C6orf141: variants seen among roughly 807,000 people sequenced by gnomAD.
C6orf141 encodes chromosome 6 open reading frame 141.
For missense variants in C6orf141, 361 were observed against 335.8 expected (o/e 1.07, Z -0.59); for synonymous variants, 164 against 140.5 (o/e 1.17, Z -1.18).
At chr6:49,559,250 G>C (rs1473516089) in intron 4 of C6orf141, among the ~76,000 whole-genome samples, 1 of 109,788 alleles carries the variant, frequency 9.1e-6, no homozygotes, top group East Asian at 2.9e-4. Context: ...TTTCATTTAT[G>C]TTAGACCAAT....
At chr6:49,559,174 A>C in intron 4 of C6orf141, among the ~76,000 whole-genome samples, 1 of 50 alleles carries the variant, frequency 0.02, no homozygotes, top group South Asian at 0.25. Context: ...CCATATATAT[A>C]TATATATATA....
At chr6:49,558,035 G>C (rs1319309693) in intron 4 of C6orf141, among the ~76,000 whole-genome samples, 2 of 147,588 alleles carry the variant, frequency 1.4e-5, no homozygotes, top group Non-Finnish European at 3.0e-5. Flanking sequence ...GAGACTACAA[G>C]TGCATGCCGT....
At position 49,551,601 on chromosome 6, in the gene C6orf141, C is replaced by T; in HGVS notation, c.*74C>T. The T allele has an allele frequency of 6.6e-7, 1 of 1,521,176 alleles. No homozygotes were observed. Among genetic ancestry groups the T allele is most frequent in the Non-Finnish European group, 8.8e-7 (1 of 1,137,806 alleles). The allele number at this position is 1,521,176 out of a possible 1,614,324, so 94.2% of individuals were successfully genotyped here. ...AAAAGAAAATGCTATTCTGGGAGCTCCAACCTGCAATTAACCTACAGAAGG... is the reference window on the plus strand; with the variant it reads ...AAAAGAAAATGCTATTCTGGGAGCTTCAACCTGCAATTAACCTACAGAAGG... On this transcript the variant is annotated 3_prime_UTR_variant, in exon 1 of 1. Transcript: ENST00000529246.
rs781309969 is a variant in C6orf141, at chr6:49,551,879, A to G, written c.*352A>G. 7 of 1,133,070 alleles carry G rather than the reference A, an allele frequency of 6.2e-6. No individual in the cohort carries two copies. The highest frequency in any genetic ancestry group is 9.7e-5 in the Admixed American group (2 of 20,524). 70.2% of individuals were successfully genotyped at this position (1,133,070 alleles called of 1,614,324 possible). On this transcript the variant is annotated 3_prime_UTR_variant, in exon 1 of 1. Coordinates refer to ENST00000529246, the MANE Select transcript of C6orf141 (RefSeq NM_001145652.2). The stretch of plus-strand genomic sequence containing the variant: ...CCCCGCCCCCCTCTTGTTTCTCTTT[A>G]GGACCTAGAAACAGAAGTGAAGTTT...
chr6:49,551,258 A>C lies in C6orf141; in HGVS notation c.466A>C (p.Lys156Gln), dbSNP rs1253770703. 3.9e-6 allele frequency: 6 copies of C among 1,551,658 alleles called. No individual in the cohort carries two copies. The highest frequency in any genetic ancestry group is 3.6e-5 in the South Asian group (3 of 84,058). ...APPRDAADPP[K>Q]YVLVRVEDYQ... ...GCCGCGGGACGCAGCAGACCCACCC[A>C]AATACGTGCTTGTGCGGGTGGAGGA... Residue 156 changes from lysine (K) to glutamine (Q), a missense_variant, in exon 1 of 1, where the codon AAA (lysine) becomes CAA (glutamine). Lys to Gln is a moderately conservative substitution (Grantham distance 53). Coordinates refer to ENST00000529246, the MANE Select transcript of C6orf141 (RefSeq NM_001145652.2).
In C6orf141 at chr6:49,552,064, TAGAA is replaced by T. The variant is rs1427990187; in HGVS notation, c.*543_*546del. 10 of 529,138 alleles carry T rather than the reference TAGAA, an allele frequency of 1.9e-5. No homozygotes were observed. Among genetic ancestry groups the T allele is most frequent in the Non-Finnish European group, 2.5e-5 (10 of 400,082 alleles). 32.8% of individuals were successfully genotyped at this position (529,138 alleles called of 1,614,324 possible). ...ATTTTTCTCCCCCACATTTCAGTGT[TAGAA>T]AGAAAACGAGAGGAGCTAGGGAAAG... On this transcript the variant is annotated 3_prime_UTR_variant, in exon 1 of 1. Coordinates refer to ENST00000529246, the MANE Select transcript of C6orf141 (RefSeq NM_001145652.2).
downstream of C6orf141, among the ~76,000 whole-genome samples, chr6:49,554,016 TGAAA>T (rs1771237590): frequency 6.6e-6 from 1 of 152,222 alleles, no homozygotes; most frequent in Non-Finnish European, 1.5e-5. Flanking sequence ...TCTCTACTCC[TGAAA>T]GAAAGGACTT....
rs998198254 is a variant in C6orf141 at position 49,551,374 on chromosome 6, T to C, written c.582T>C (p.Thr194=). ...RTEEHFVTAL[T]FRSSREGQPG... Reference sequence around the variant, plus strand: ...AGGAGCACTTCGTGACCGCGCTCACTTTTCGCAGCAGTAGAGAGGGACAGC... The same window carrying C: ...AGGAGCACTTCGTGACCGCGCTCACCTTTCGCAGCAGTAGAGAGGGACAGC... The change falls in exon 1 of 1, where the codon ACT becomes ACC. Residue 194 remains threonine, a synonymous_variant. Coordinates refer to ENST00000529246, the MANE Select transcript of C6orf141 (RefSeq NM_001145652.2). 1.9e-6 allele frequency: 3 copies of C among 1,551,636 alleles called. No homozygotes were observed. The highest frequency in any genetic ancestry group is 1.7e-6 in the Non-Finnish European group (2 of 1,146,976).
At position 49,551,264 on chromosome 6, in the gene C6orf141, G is replaced by A. The variant is rs1369763899; in HGVS notation, c.472G>A (p.Val158Met). The change falls in exon 1 of 1, where the codon GTG becomes ATG. Residue 158 changes from valine (V) to methionine (M), a missense_variant. By Grantham distance (21) the Val-to-Met change is conservative. Transcript: ENST00000529246. ...GGACGCAGCAGACCCACCCAAATAC[G>A]TGCTTGTGCGGGTGGAGGATTATCA... ...PRDAADPPKY[V>M]LVRVEDYQVT... 6.4e-7 allele frequency: 1 copy of A among 1,551,702 alleles called. No homozygotes were observed. The highest frequency in any genetic ancestry group is 1.4e-5 in the African/African-American group (1 of 73,174).
rs1271088455 is a variant in C6orf141, at chr6:49,551,953, G to C, written c.*426G>C. On this transcript the variant is annotated 3_prime_UTR_variant, in exon 1 of 1. Transcript: ENST00000529246. ...GTGGGAGTGGGTGGAGAAGAGGCTT[G>C]TTTTAAAAGCCAAAAACAGAAAGTA... The C allele has an allele frequency of 4.0e-6, 4 of 1,012,072 alleles. No homozygotes were observed. The African/African-American group carries it at 5.2e-5, about 13-fold the overall frequency. 62.7% of individuals were successfully genotyped at this position (1,012,072 alleles called of 1,614,324 possible).
chr6:49,551,671 GAACTGTAAGCA>G lies in C6orf141; in HGVS notation c.*145_*155del. On this transcript the variant is annotated 3_prime_UTR_variant, in exon 1 of 1. Coordinates refer to ENST00000529246, the MANE Select transcript of C6orf141 (RefSeq NM_001145652.2). ...GCAGCGCTTCGGGGAGGCAGATTAA[GAACTGTAAGCA>G]GCATAATACCTCCTTTGTGGCTTGA... 2.0e-6 allele frequency: 3 copies of G among 1,465,406 alleles called. No individual in the cohort carries two copies. Among genetic ancestry groups the G allele is most frequent in the Non-Finnish European group, 2.7e-6 (3 of 1,111,564 alleles). The allele number at this position is 1,465,406 out of a possible 1,614,324, so 90.8% of individuals were successfully genotyped here. A position where few individuals can be genotyped will look rare whatever the true frequency, so the allele number is the denominator to read the frequency against.
chr6:49,553,880 C>T (rs144112824), downstream of C6orf141, among the ~76,000 whole-genome samples: 19 of 152,058 alleles, frequency 1.2e-4, no homozygotes, highest in East Asian at 7.7e-4. Context: ...ATTATTAGCA[C>T]GGTTATTGTT....
downstream of C6orf141, among the ~76,000 whole-genome samples, chr6:49,553,577 A>G (rs1771130546): frequency 6.6e-6 from 1 of 152,224 alleles, no homozygotes; most frequent in Non-Finnish European, 1.5e-5. Context: ...GAACAAAAAA[A>G]GTCTCTTTCA....
At chr6:49,558,742 C>G (rs1772599230) in intron 4 of C6orf141, among the ~76,000 whole-genome samples, 1 of 151,748 alleles carries the variant, frequency 6.6e-6, no homozygotes, top group Non-Finnish European at 1.5e-5. Flanking sequence ...GAGTCTTGCT[C>G]TGTTGCCCAG....
Position 49,551,529 on chromosome 6 carries a change from G to A in C6orf141, c.*2G>A, listed in dbSNP as rs1001163816. ...TGGCTCGAGGAAATTAAACTCTAAT[G>A]AGTAGCTCGAGAAATGTTCCGGGAT... On this transcript the variant is annotated 3_prime_UTR_variant, in exon 1 of 1. Transcript: ENST00000529246. The A allele has an allele frequency of 6.5e-7, 1 of 1,549,446 alleles. No homozygotes were observed. The highest frequency in any genetic ancestry group is 1.4e-5 in the African/African-American group (1 of 72,894).
At chr6:49,559,887 G>A (rs1017258776) in intron 4 of C6orf141, among the ~76,000 whole-genome samples, 2 of 152,202 alleles carry the variant, frequency 1.3e-5, no homozygotes, top group African/African-American at 2.4e-5. Context: ...AAAGCCCTAA[G>A]CCAACCTATG....
In C6orf141 at chr6:49,551,926, G is replaced by C; in HGVS notation, c.*399G>C. Reference sequence around the variant, plus strand: ...GTTTGAAGTCTGCTCTCTGCAAAGAGGGTGGGAGTGGGTGGAGAAGAGGCT... The same window carrying C: ...GTTTGAAGTCTGCTCTCTGCAAAGACGGTGGGAGTGGGTGGAGAAGAGGCT... On this transcript the variant is annotated 3_prime_UTR_variant, in exon 1 of 1. Coordinates refer to ENST00000529246, the MANE Select transcript of C6orf141 (RefSeq NM_001145652.2). The C allele has an allele frequency of 9.6e-7, 1 of 1,039,540 alleles. No individual in the cohort carries two copies. Among genetic ancestry groups the C allele is most frequent in the Non-Finnish European group, 1.2e-6 (1 of 856,050 alleles). The allele number at this position is 1,039,540 out of a possible 1,614,324, so 64.4% of individuals were successfully genotyped here. A position where few individuals can be genotyped will look rare whatever the true frequency, so the allele number is the denominator to read the frequency against.
At position 49,550,672 on chromosome 6, in the gene C6orf141, T is replaced by G. The variant is rs1400658665; in HGVS notation, c.-121T>G. ...CGGTTAGCCTGGGGCTGATCTAGTC[T>G]TCAGCTTTCACCGGCTGGGAGTCCG... On this transcript the variant is annotated 5_prime_UTR_variant, in exon 1 of 1. Coordinates refer to ENST00000529246, the MANE Select transcript of C6orf141 (RefSeq NM_001145652.2). 6 of 913,894 alleles carry G rather than the reference T, an allele frequency of 6.6e-6. No individual in the cohort carries two copies. In the African/African-American group the frequency reaches 1.0e-4, roughly 16 times the overall value. The allele number at this position is 913,894 out of a possible 1,614,324, so 56.6% of individuals were successfully genotyped here.
chr6:49,552,090 AAAG>A (rs1770782055), exon 1 of C6orf141: 1 of 329,964 alleles, frequency 3.0e-6, no homozygotes, highest in African/African-American at 2.3e-5. Flanking sequence ...GGAGCTAGGG[AAAG>A]AAGGAGTTGG....
Sources: allele counts gnomAD v4.1 joint callset (sites outside exome capture counted in the v4.1 genomes callset), GRCh38; gene constraint gnomAD v4.1.1; transcripts MANE v1.5; gene names NCBI Gene and HGNC (gene_info 2026-07-23, HGNC 2026-07-21).